Variants in VPS8 observed in about 807,000 individuals in gnomAD.
VPS8 encodes the protein VPS8 subunit of CORVET complex, also known as vacuolar protein sorting-associated protein 8 homolog.
In VPS8, 129 loss-of-function variants were observed where a neutral mutation model predicts 216.4. That is an observed-to-expected ratio of 0.60 (90% CI 0.52 to 0.69). The LOEUF (loss-of-function observed/expected upper bound fraction) is 0.69. Among genes scored for constraint, VPS8 ranks in the 30% least tolerant of loss-of-function variants. The pLI is 0.00. For missense variants in VPS8, 1,531 were observed against 1,683.5 expected (o/e 0.91, Z 1.59); for synonymous variants, 571 against 565.4 (o/e 1.01, Z -0.14).
chr3:184,835,439 A>C (rs1720847500), intron 5 of VPS8, among the ~76,000 whole-genome samples: 1 of 152,136 alleles, frequency 6.6e-6, no homozygotes, highest in Admixed American at 6.5e-5. Context: ...AATTATGTAG[A>C]GCACTGGGTT....
rs576479151 is a variant in VPS8, at chr3:184,838,444, A to G, written c.448-270A>G. 8.5e-5 allele frequency among the ~76,000 whole-genome samples: 13 copies of G among 152,136 alleles called. No homozygotes were observed. In the South Asian group the frequency reaches 2.7e-3, roughly 32 times the overall value. On this transcript the variant is annotated intron_variant, in intron 5 of 47. Coordinates refer to ENST00000625842, the MANE Select transcript of VPS8 (RefSeq NM_001009921.3). ...AACATCTTTCCTCTTTTTCCTTTGC[A>G]TTTCCATTATAATCAGTACCCTCCC...
chr3:184,836,261 A>T (rs911685918), intron 5 of VPS8: 1 of 456,744 alleles, frequency 2.2e-6, no homozygotes, highest in East Asian at 6.9e-5. Flanking sequence ...AGAGTAACTC[A>T]TATTTGCTAG....
chr3:184,835,736 G>T, intron 5 of VPS8, among the ~76,000 whole-genome samples: 1 of 139,958 alleles, frequency 7.1e-6, no homozygotes, highest in African/African-American at 2.7e-5. Flanking sequence ...TTGAGACGGA[G>T]TCTCACTCTG....
chr3:184,971,650 T>C lies in VPS8; in HGVS notation c.3318T>C (p.Asn1106=). The C allele has an allele frequency of 6.2e-7, 1 of 1,608,756 alleles. No homozygotes were observed. The highest frequency in any genetic ancestry group is 8.5e-7 in the Non-Finnish European group (1 of 1,176,198). Residue 1106 remains asparagine (N), a splice_region_variant and synonymous_variant, in exon 40 of 48, where the codon AAT becomes AAC. Transcript: ENST00000625842. ...TGTTTACACTTTTTCTAAATCTAGA[T>C]ACCAAAGAGGATCCCTCATTGAAGG... The part of the protein sequence containing the change: ...KLQEVTHQGE[N]TKEDPSLKDV...
intron 37 of VPS8, among the ~76,000 whole-genome samples, chr3:184,960,677 A>T (rs1250212218): frequency 6.6e-6 from 1 of 152,178 alleles, no homozygotes; most frequent in African/African-American, 2.4e-5. Context: ...CCTCTGCAAC[A>T]TCCCAATATT....
intron 40 of VPS8, among the ~76,000 whole-genome samples, chr3:184,977,951 T>G (rs1749578942): frequency 6.7e-6 from 1 of 149,306 alleles, no homozygotes; most frequent in South Asian, 2.1e-4. Flanking sequence ...CCTCATAGAA[T>G]AAGTCAGGGA....
chr3:185,020,354 A>C (rs1006433538), intron 45 of VPS8, among the ~76,000 whole-genome samples: 5 of 152,150 alleles, frequency 3.3e-5, no homozygotes, highest in African/African-American at 1.2e-4. Context: ...AAATTTTAAT[A>C]GCAGTTGTTG....
intron 36 of VPS8, among the ~76,000 whole-genome samples, chr3:184,944,809 A>G (rs888995626): frequency 2.5e-4 from 38 of 152,196 alleles, no homozygotes; most frequent in African/African-American, 8.9e-4. Context: ...AAGGAGCAAG[A>G]TATAGATTAT....
chr3:184,913,398 TTGGGAATA>T (rs1203325661), intron 25 of VPS8, 113 bp from the exon 26 acceptor site: 1 of 780,952 alleles, frequency 1.3e-6, no homozygotes, highest in African/African-American at 1.8e-5. Flanking sequence ...TTCCTGTTAT[TTGGGAATA>T]TACTTACCTC....
chr3:184,891,858 C>T (rs1343174966), intron 22 of VPS8, among the ~76,000 whole-genome samples: 1 of 152,070 alleles, frequency 6.6e-6, no homozygotes, highest in Non-Finnish European at 1.5e-5. Flanking sequence ...CCCTTGTTCC[C>T]CTTCACATAC....
chr3:185,031,266 A>G (rs990977594), intron 46 of VPS8, among the ~76,000 whole-genome samples: 5 of 152,122 alleles, frequency 3.3e-5, no homozygotes, highest in African/African-American at 1.2e-4. Flanking sequence ...ATGGAAGCTT[A>G]AATAAAATAA....
chr3:184,993,131 A>G (rs1476234263), intron 42 of VPS8, among the ~76,000 whole-genome samples: 2 of 152,318 alleles, frequency 1.3e-5, no homozygotes, highest in Admixed American at 1.3e-4. Flanking sequence ...ATTTGCTGGT[A>G]TGGAAAAGTG....
At chr3:184,960,691 T>C (rs1351019845) in intron 37 of VPS8, among the ~76,000 whole-genome samples, 2 of 152,132 alleles carry the variant, frequency 1.3e-5, no homozygotes, top group African/African-American at 4.8e-5. Context: ...CAATATTAGG[T>C]TGAGGTTAAA....
At position 184,832,236 on chromosome 3, in the gene VPS8, T is replaced by C. The variant is rs185541573; in HGVS notation, c.223-453T>C. Among the ~76,000 whole-genome samples the C allele has an allele frequency of 1.5e-3, 236 of 152,278 alleles. 2 individuals carry two copies. In the Middle Eastern group the frequency reaches 0.037, roughly 24 times the overall value. On this transcript the variant is annotated intron_variant, in intron 3 of 47. Transcript: ENST00000625842. ...GTGAAATCACTGTGTCTTTCTGTGCTGTTTCCTACCCAGAATGCCTTTCTG... is the reference window on the plus strand; with the variant it reads ...GTGAAATCACTGTGTCTTTCTGTGCCGTTTCCTACCCAGAATGCCTTTCTG...
intron 46 of VPS8, among the ~76,000 whole-genome samples, chr3:185,040,791 G>C (rs1206516593): frequency 6.6e-6 from 1 of 152,170 alleles, no homozygotes; most frequent in Non-Finnish European, 1.5e-5. Context: ...GGTTTCTGGA[G>C]CCAAGTGCAA....
intron 46 of VPS8, among the ~76,000 whole-genome samples, chr3:185,036,260 A>G (rs1188699848): frequency 6.6e-6 from 1 of 152,198 alleles, no homozygotes; most frequent in Non-Finnish European, 1.5e-5. Context: ...GAAAAAAACT[A>G]TTCTAAAATT....
chr3:184,843,881 G>A (rs1722629945), intron 8 of VPS8, among the ~76,000 whole-genome samples: 1 of 152,128 alleles, frequency 6.6e-6, no homozygotes, highest in Non-Finnish European at 1.5e-5. Flanking sequence ...GAACAGGCTT[G>A]GGAATGAATA....
Position 185,048,008 on chromosome 3 carries a change from C to T in VPS8, c.4057-471C>T, listed in dbSNP as rs199958200. ...CGGCCCTTTTCCCAAAAGCAGCAGA[C>T]GAATCTTGCAACCCCATAGGTGGCG... On this transcript the variant is annotated intron_variant, in intron 46 of 47. Transcript: ENST00000625842. Among the ~76,000 whole-genome samples, 137 of 152,226 alleles carry T rather than the reference C, an allele frequency of 9.0e-4. 1 individual carries two copies. Among genetic ancestry groups the T allele is most frequent in the African/African-American group, 3.1e-3 (129 of 41,538 alleles).
At chr3:184,835,317 T>C (rs1002786260) in intron 5 of VPS8, among the ~76,000 whole-genome samples, 2 of 152,308 alleles carry the variant, frequency 1.3e-5, no homozygotes, top group East Asian at 1.9e-4. Context: ...TTATTCAAAA[T>C]TGGGGTTTCT....
Sources: allele counts gnomAD v4.1 joint callset (sites outside exome capture counted in the v4.1 genomes callset), GRCh38; gene constraint gnomAD v4.1.1; transcripts MANE v1.5; gene names NCBI Gene and HGNC (gene_info 2026-07-23, HGNC 2026-07-21).